OR6N1: variants seen among roughly 807,000 people sequenced by gnomAD.
The protein encoded by OR6N1 is olfactory receptor family 6 subfamily N member 1.
For missense variants in OR6N1, 394 were observed against 371.7 expected, an observed-to-expected ratio of 1.06 and a Z score of -0.49; for synonymous variants, 170 against 150.7, an observed-to-expected ratio of 1.13 and a Z score of -0.94.
the OR6N1 span, among the ~76,000 whole-genome samples, chr1:158,824,586 AC>A: frequency 6.6e-6 from 1 of 152,162 alleles, no homozygotes; most frequent in African/African-American, 2.4e-5. Context: ...CATTTGAATA[AC>A]CAAAACAGCA....
the OR6N1 span, among the ~76,000 whole-genome samples, chr1:158,789,680 G>A: frequency 6.6e-6 from 1 of 151,968 alleles, no homozygotes; most frequent in Non-Finnish European, 1.5e-5. Flanking sequence ...TTAAAAATTG[G>A]ATTATCTGTT....
the OR6N1 span, among the ~76,000 whole-genome samples, chr1:158,821,931 C>T: frequency 4.6e-5 from 7 of 152,194 alleles, no homozygotes; most frequent in Admixed American, 2.6e-4. Context: ...ACATCATCAC[C>T]AGCATTTGGT....
At chr1:158,810,085 C>T in the OR6N1 span, among the ~76,000 whole-genome samples, 4 of 152,194 alleles carry the variant, frequency 2.6e-5, no homozygotes, top group African/African-American at 9.7e-5. Context: ...GCTTCCTCTT[C>T]AAAAGAGAAG....
rs1364949393 is a variant in OR6N1 at position 158,764,903 on chromosome 1, C to T, written c.*841G>A. 1 of 151,852 alleles carries T rather than the reference C, an allele frequency of 6.6e-6. No individual in the cohort carries two copies. Among genetic ancestry groups the T allele is most frequent in the Non-Finnish European group, 1.5e-5 (1 of 67,944 alleles). The allele number at this position is 151,852 out of a possible 1,614,324, so 9.4% of individuals were successfully genotyped here. A position where few individuals can be genotyped will look rare whatever the true frequency, so the allele number is the denominator to read the frequency against. ...CAGAACAGAACTGTGACAAACTATA[C>T]TTTTCAAGTATAGTATACTTGTATA... On this transcript the variant is annotated 3_prime_UTR_variant, in exon 2 of 2. Coordinates refer to ENST00000641846, the MANE Select transcript of OR6N1 (RefSeq NM_001005185.2).
chr1:158,787,718 T>G, the OR6N1 span, among the ~76,000 whole-genome samples: 1 of 151,412 alleles, frequency 6.6e-6, no homozygotes, highest in Admixed American at 6.6e-5. Flanking sequence ...ATTTCTCCAG[T>G]TCTGGTATTT....
chr1:158,821,555 T>C, the OR6N1 span, among the ~76,000 whole-genome samples: 5 of 152,218 alleles, frequency 3.3e-5, no homozygotes, highest in African/African-American at 1.2e-4. Context: ...GTAAGTATCC[T>C]TTTCAGATTA....
the OR6N1 span, among the ~76,000 whole-genome samples, chr1:158,820,866 G>T: frequency 1.3e-5 from 2 of 152,192 alleles, no homozygotes; most frequent in Admixed American, 6.5e-5. Flanking sequence ...CCCAGCTAGA[G>T]ATAATAAAAT....
At chr1:158,837,407 C>G in the OR6N1 span, among the ~76,000 whole-genome samples, 1 of 151,744 alleles carries the variant, frequency 6.6e-6, no homozygotes, top group Admixed American at 6.6e-5. Flanking sequence ...ATGTATGTTT[C>G]TAATTGTCAT....
the OR6N1 span, among the ~76,000 whole-genome samples, chr1:158,795,237 C>T: frequency 6.6e-6 from 1 of 152,230 alleles, no homozygotes; most frequent in Non-Finnish European, 1.5e-5. Flanking sequence ...TCAGGTCTCA[C>T]ATACACAGTG....
At chr1:158,786,651 C>T in the OR6N1 span, among the ~76,000 whole-genome samples, 3 of 152,028 alleles carry the variant, frequency 2.0e-5, no homozygotes, top group Admixed American at 6.6e-5. Context: ...ATATACACCA[C>T]GTAATACTAC....
the OR6N1 span, among the ~76,000 whole-genome samples, chr1:158,825,605 T>G: frequency 6.6e-6 from 1 of 152,132 alleles, no homozygotes; most frequent in Non-Finnish European, 1.5e-5. Context: ...GAATGGCTAT[T>G]TTTAAAAAGT....
the OR6N1 span, among the ~76,000 whole-genome samples, chr1:158,786,953 A>G: frequency 3.8e-4 from 58 of 152,262 alleles, no homozygotes; most frequent in East Asian, 1.7e-3. Context: ...GAAATTATCA[A>G]TGTAACAGAA....
At chr1:158,832,606 T>C in the OR6N1 span, among the ~76,000 whole-genome samples, 1 of 151,372 alleles carries the variant, frequency 6.6e-6, no homozygotes, top group East Asian at 1.9e-4. Flanking sequence ...ATATTTATAA[T>C]ATAATTTAAA....
At chr1:158,806,995 C>T in the OR6N1 span, among the ~76,000 whole-genome samples, 2 of 106,976 alleles carry the variant, frequency 1.9e-5, no homozygotes, top group Admixed American at 1.2e-4. Flanking sequence ...AAGAGCAAGA[C>T]GTCATCTCAA....
chr1:158,778,726 C>G, the OR6N1 span, among the ~76,000 whole-genome samples: 376 of 152,124 alleles, frequency 2.5e-3, 1 homozygote, highest in African/African-American at 8.7e-3. Context: ...TGTAAGAATG[C>G]AGATTCGGCC....
chr1:158,802,571 G>A, the OR6N1 span, among the ~76,000 whole-genome samples: 22 of 151,810 alleles, frequency 1.4e-4, no homozygotes, highest in Admixed American at 3.9e-4. Context: ...TTTTTTGCAA[G>A]GAGATTTCTC....
chr1:158,768,362 ACC>A (rs1657330169), intron 1 of OR6N1, among the ~76,000 whole-genome samples: 1 of 152,024 alleles, frequency 6.6e-6, no homozygotes, highest in African/African-American at 2.4e-5. Flanking sequence ...TGGGGTCTCT[ACC>A]CCTAGTCTTC....
the OR6N1 span, among the ~76,000 whole-genome samples, chr1:158,797,721 T>C: frequency 6.6e-6 from 1 of 152,192 alleles, no homozygotes; most frequent in Non-Finnish European, 1.5e-5. Context: ...TATATGTTAA[T>C]GAATGATATT....
At chr1:158,815,191 C>T in the OR6N1 span, among the ~76,000 whole-genome samples, 1 of 152,144 alleles carries the variant, frequency 6.6e-6, no homozygotes, top group Non-Finnish European at 1.5e-5. Context: ...TCTCTGTCAA[C>T]CTCATTTAAT....
Sources: allele counts gnomAD v4.1 joint callset (sites outside exome capture counted in the v4.1 genomes callset), GRCh38; gene constraint gnomAD v4.1.1; transcripts MANE v1.5; gene names NCBI Gene and HGNC (gene_info 2026-07-23, HGNC 2026-07-21).